The following RBFOX1 variants were observed in gnomAD, a reference collection of about 807,000 sequenced individuals.
RBFOX1 encodes the protein RNA binding fox-1 homolog 1, also known as RNA binding protein fox-1 homolog 1.
A neutral mutation model predicts 57.7 loss-of-function variants in RBFOX1; 8 were observed. The ratio of observed to expected loss-of-function variants is 0.14; its 90% CI spans 0.08 to 0.25. RBFOX1 has a LOEUF of 0.25. Among genes scored for constraint, RBFOX1 ranks in the 10% least tolerant of loss-of-function variants. RBFOX1 has a pLI of 1.00. For missense variants in RBFOX1, 611 were observed against 548.5 expected (o/e 1.11, Z -1.14); for synonymous variants, 326 against 222.4 (o/e 1.47, Z -4.15).
chr16:6,796,497 A>G (rs2084082853), intron 3 of RBFOX1, among the ~76,000 whole-genome samples: 1 of 152,180 alleles, frequency 6.6e-6, no homozygotes, highest in Non-Finnish European at 1.5e-5. Context: ...TTTTCAATAA[A>G]TAACTCTTTC....
chr16:5,663,664 G>C (rs1030506081), intron 3 of RBFOX1, among the ~76,000 whole-genome samples: 1 of 152,186 alleles, frequency 6.6e-6, no homozygotes, highest in Non-Finnish European at 1.5e-5. Flanking sequence ...CCTACTTGGT[G>C]TAAGGCACCA....
At chr16:7,301,865 C>A (rs897381343) in intron 4 of RBFOX1, among the ~76,000 whole-genome samples, 2 of 152,094 alleles carry the variant, frequency 1.3e-5, no homozygotes, top group African/African-American at 4.8e-5. Flanking sequence ...CCTTTTATTC[C>A]ATTCGTGTTC....
chr16:6,982,007 C>G (rs2089029934), intron 3 of RBFOX1, among the ~76,000 whole-genome samples: 1 of 152,170 alleles, frequency 6.6e-6, no homozygotes, highest in African/African-American at 2.4e-5. Flanking sequence ...AATACAATTT[C>G]TTTGAACCCT....
At chr16:6,806,331 C>T (rs776389287) in intron 3 of RBFOX1, among the ~76,000 whole-genome samples, 15 of 152,092 alleles carry the variant, frequency 9.9e-5, no homozygotes, top group African/African-American at 2.9e-4. Context: ...ACTTTAATGT[C>T]ATCCAAAAAA....
At chr16:5,401,764 T>TCTCGTCCTCCTCCTCTGCCGCTGTCAC (rs1555508912) in intron 1 of RBFOX1, among the ~76,000 whole-genome samples, 3,398 of 103,478 alleles carry the variant, frequency 0.033, 178 homozygotes, top group African/African-American at 0.11. Context: ...TCCCTGTCTC[T>TCTCGTCCTCCTCCTCTGCCGCTGTCAC]CTCCTCCTCC....
At chr16:7,329,334 C>T (rs941511504) in intron 4 of RBFOX1, among the ~76,000 whole-genome samples, 1 of 152,176 alleles carries the variant, frequency 6.6e-6, no homozygotes, top group Non-Finnish European at 1.5e-5. Context: ...ATTTAAAGTT[C>T]CTGCATTACA....
intron 4 of RBFOX1, among the ~76,000 whole-genome samples, chr16:7,366,600 T>A (rs1449062643): frequency 6.6e-6 from 1 of 152,106 alleles, no homozygotes; most frequent in Admixed American, 6.5e-5. Context: ...TTTGTTGGAA[T>A]GTATTTGAAA....
chr16:6,876,139 C>T (rs1280084776), intron 3 of RBFOX1, among the ~76,000 whole-genome samples: 1 of 151,820 alleles, frequency 6.6e-6, no homozygotes, highest in Non-Finnish European at 1.5e-5. Context: ...GCCATGATTG[C>T]ACCATTGCAC....
At chr16:6,053,703 G>A (rs900068211) in intron 1 of RBFOX1, among the ~76,000 whole-genome samples, 2 of 152,132 alleles carry the variant, frequency 1.3e-5, no homozygotes, top group African/African-American at 2.4e-5. Flanking sequence ...GAGATCTTCA[G>A]GTCTTAAATG....
At chr16:5,678,570 G>C (rs538916273) in intron 3 of RBFOX1, among the ~76,000 whole-genome samples, 1 of 152,252 alleles carries the variant, frequency 6.6e-6, no homozygotes, top group East Asian at 1.9e-4. Flanking sequence ...CATGGTGCTG[G>C]ATGGTTACGT....
At chr16:7,381,124 G>A (rs563047309) in intron 4 of RBFOX1, among the ~76,000 whole-genome samples, 1 of 152,176 alleles carries the variant, frequency 6.6e-6, no homozygotes, top group Non-Finnish European at 1.5e-5. Flanking sequence ...CTTCACAGCA[G>A]AGTAAACAGA....
intron 4 of RBFOX1, among the ~76,000 whole-genome samples, chr16:5,909,201 T>C (rs771060885): frequency 8.4e-4 from 125 of 148,772 alleles, no homozygotes; most frequent in South Asian, 1.8e-3. Flanking sequence ...CACGCCATTC[T>C]CCTGCTTCAG....
chr16:7,421,244 A>G (rs1040599758), intron 4 of RBFOX1, among the ~76,000 whole-genome samples: 1 of 146,866 alleles, frequency 6.8e-6, no homozygotes, highest in African/African-American at 2.5e-5. Flanking sequence ...AAAGAGAGAG[A>G]GAACAACCTA....
chr16:6,879,765 C>A (rs138986245), intron 3 of RBFOX1, among the ~76,000 whole-genome samples: 404 of 152,292 alleles, frequency 2.7e-3, no homozygotes, highest in African/African-American at 9.1e-3. Flanking sequence ...CTGGCTGTTA[C>A]TAACCCTTCC....
intron 4 of RBFOX1, among the ~76,000 whole-genome samples, chr16:7,373,672 T>C (rs1485442649): frequency 6.6e-6 from 1 of 151,840 alleles, no homozygotes; most frequent in Non-Finnish European, 1.5e-5. Flanking sequence ...GTCTGACCTG[T>C]GTTGGCAGCA....
intron 1 of RBFOX1, among the ~76,000 whole-genome samples, chr16:6,142,852 A>G (rs2096729316): frequency 6.6e-6 from 1 of 151,994 alleles, no homozygotes. Flanking sequence ...GTCATTCAAG[A>G]CTCAACTCAT....
chr16:5,569,550 G>C (rs1398871159), intron 2 of RBFOX1, among the ~76,000 whole-genome samples: 1 of 140,656 alleles, frequency 7.1e-6, no homozygotes, highest in African/African-American at 2.6e-5. Flanking sequence ...TCTCAGAATA[G>C]ATCTATGCGG....
chr16:6,861,139 A>G (rs1224314959), intron 3 of RBFOX1, among the ~76,000 whole-genome samples: 1 of 152,152 alleles, frequency 6.6e-6, no homozygotes, highest in Non-Finnish European at 1.5e-5. Flanking sequence ...TTGCTCCAGC[A>G]TCTTCCGTAT....
At chr16:6,187,157 C>G (rs181258673) in intron 1 of RBFOX1, among the ~76,000 whole-genome samples, 1 of 152,038 alleles carries the variant, frequency 6.6e-6, no homozygotes, top group Admixed American at 6.6e-5. Context: ...CATGCTTGGC[C>G]CTATCATACA....
Sources: allele counts gnomAD v4.1 joint callset (sites outside exome capture counted in the v4.1 genomes callset), GRCh38; gene constraint gnomAD v4.1.1; transcripts MANE v1.5; gene names NCBI Gene and HGNC (gene_info 2026-07-23, HGNC 2026-07-21).